Variants in MYCBPAP observed in about 807,000 individuals in gnomAD.
MYCBPAP encodes MYCBP-associated protein.
A neutral mutation model predicts 106.1 loss-of-function variants in MYCBPAP; 60 were observed. That is an observed-to-expected ratio of 0.57 (90% confidence interval 0.46 to 0.70). MYCBPAP has a LOEUF of 0.70. Among genes scored for constraint, MYCBPAP ranks in the 30% least tolerant of loss-of-function variants. The pLI is 0.00. For synonymous variants in MYCBPAP, 407 were observed against 440.6 expected (o/e 0.92, Z 0.95); for missense variants, 1,064 against 1,169.3 (o/e 0.91, Z 1.31).
Position 50,516,822 on chromosome 17 carries a change from AAC to A in MYCBPAP, c.204+129_204+130del, listed in dbSNP as rs1176289787. On this transcript the variant is annotated intron_variant, in intron 2 of 18. Transcript: ENST00000323776. ...TCTAACTCCATGGAAAAACCCACTG[AAC>A]ACAGATTCTTTTCACTTTACCACCT... 6 of 1,033,806 alleles carry A rather than the reference AAC, an allele frequency of 5.8e-6. No homozygotes were observed. The African/African-American group carries it at 9.6e-5, about 17-fold the overall frequency. The allele number at this position is 1,033,806 out of a possible 1,614,324, so 64.0% of individuals were successfully genotyped here. A position where few individuals can be genotyped will look rare whatever the true frequency, so the allele number is the denominator to read the frequency against.
chr17:50,511,903 A>T (rs1366585419), intron 1 of MYCBPAP, among the ~76,000 whole-genome samples: 1 of 151,934 alleles, frequency 6.6e-6, no homozygotes, highest in African/African-American at 2.4e-5. Flanking sequence ...GGCTCTCTTC[A>T]TCTGATGAAT....
At chr17:50,510,243 G>T (rs2033777884) in intron 1 of MYCBPAP, 1 of 151,820 alleles carries the variant, frequency 6.6e-6, no homozygotes. Context: ...GTCCAACGTT[G>T]AGCCGGGCAT....
Position 50,521,421 on chromosome 17 carries a change from A to G in MYCBPAP, c.1138A>G (p.Thr380Ala). 1 of 1,594,394 alleles carries G rather than the reference A, an allele frequency of 6.3e-7. No homozygotes were observed. The highest frequency in any genetic ancestry group is 1.1e-5 in the South Asian group (1 of 88,042). The change falls in exon 9 of 19, where the codon ACA becomes GCA. Residue 380 changes from threonine to alanine, a missense_variant. Thr to Ala is a moderately conservative substitution (Grantham distance 58). Coordinates refer to ENST00000323776, the MANE Select transcript of MYCBPAP (RefSeq NM_032133.6). ...AAGTCAGGGAAGCTCCTCTGAAGAC[A>G]CAGCATACTTGTGAGTGCAGCCTGA... ...ERSQGSSSED[T>A]AYLGTLASSS...
At chr17:50,520,055 A>G in intron 7 of MYCBPAP, 1 of 381,072 alleles carries the variant, frequency 2.6e-6, no homozygotes, top group South Asian at 5.3e-5. Context: ...GCCGCTGGTG[A>G]GCGCCTGGAT....
intron 15 of MYCBPAP, 66 bp downstream of exon 15, chr17:50,527,474 C>T: frequency 1.9e-6 from 3 of 1,594,174 alleles, no homozygotes; most frequent in Non-Finnish European, 2.6e-6. Flanking sequence ...GGGTCCTGGG[C>T]AGGCAGTCCT....
rs1023888082 is a variant in MYCBPAP at position 50,508,512 on chromosome 17, T to C, written c.-163T>C. ...GTGCGCGGCCCGATGAAGAAGGAGG[T>C]TTCCAAGCCGTCTCCGCCCAAGTTG... On this transcript the variant is annotated 5_prime_UTR_variant, in exon 1 of 19. Coordinates refer to ENST00000323776, the MANE Select transcript of MYCBPAP (RefSeq NM_032133.6). 10 of 1,511,340 alleles carry C rather than the reference T, an allele frequency of 6.6e-6. No individual in the cohort carries two copies. The highest frequency in any genetic ancestry group is 1.2e-5 in the South Asian group (1 of 80,082). 93.6% of individuals were successfully genotyped at this position (1,511,340 alleles called of 1,614,324 possible). A position where few individuals can be genotyped will look rare whatever the true frequency, so the allele number is the denominator to read the frequency against.
chr17:50,523,836 T>C, intron 12 of MYCBPAP, 52 bp downstream of exon 12: 1 of 1,542,862 alleles, frequency 6.5e-7, no homozygotes, highest in Non-Finnish European at 8.8e-7. Context: ...GGTATCCTGG[T>C]GTTCTTCCTG....
At chr17:50,518,847 T>G in intron 5 of MYCBPAP, 123 bp downstream of exon 5, 1 of 1,454,764 alleles carries the variant, frequency 6.9e-7, no homozygotes, top group Non-Finnish European at 9.6e-7. Context: ...CTCCCAAGAG[T>G]GTCTCACTCT....
Position 50,525,789 on chromosome 17 carries a change from C to T in MYCBPAP, c.1783-92C>T, listed in dbSNP as rs79931368. ...TGCAGGCTTGAGCCACTGTGCCTGG[C>T]CCTTGTACTATTTATGTCCTTATTT... On this transcript the variant is annotated intron_variant, in intron 13 of 18. Transcript: ENST00000323776. 1.0e-3 allele frequency: 1,459 copies of T among 1,439,772 alleles called. 16 individuals carry two copies. The African/African-American group carries it at 0.017, about 17-fold the overall frequency. 89.2% of individuals were successfully genotyped at this position (1,439,772 alleles called of 1,614,324 possible).
chr17:50,511,966 G>A (rs73990539), intron 1 of MYCBPAP, among the ~76,000 whole-genome samples: 32 of 151,852 alleles, frequency 2.1e-4, no homozygotes, highest in African/African-American at 7.7e-4. Context: ...AAGATCAGAT[G>A]CCTGAGCCAT....
chr17:50,516,819 C>A, intron 2 of MYCBPAP, 122 bp downstream of exon 2: 2 of 1,056,514 alleles, frequency 1.9e-6, no homozygotes, highest in South Asian at 1.6e-5. Flanking sequence ...GAAAAACCCA[C>A]TGAACACAGA....
At chr17:50,518,520 T>TA in intron 4 of MYCBPAP, 21 bp from the exon 5 acceptor site, 1 of 1,544,982 alleles carries the variant, frequency 6.5e-7, no homozygotes, top group Non-Finnish European at 8.7e-7. Flanking sequence ...GCCCTCCACA[T>TA]ACCTATGTTG....
chr17:50,525,513 T>C (rs901559844), intron 13 of MYCBPAP, among the ~76,000 whole-genome samples: 1 of 152,094 alleles, frequency 6.6e-6, no homozygotes, highest in Non-Finnish European at 1.5e-5. Flanking sequence ...AAATAGCGTG[T>C]CATACTGTCA....
chr17:50,516,444 C>A lies in MYCBPAP; in HGVS notation c.77-126C>A, dbSNP rs563217411. The A allele has an allele frequency of 5.4e-5, 63 of 1,177,526 alleles. No individual in the cohort carries two copies. In the South Asian group the frequency reaches 9.5e-4, roughly 18 times the overall value. The allele number at this position is 1,177,526 out of a possible 1,614,324, so 72.9% of individuals were successfully genotyped here. A position where few individuals can be genotyped will look rare whatever the true frequency, so the allele number is the denominator to read the frequency against. On this transcript the variant is annotated intron_variant, in intron 1 of 18. Coordinates refer to ENST00000323776, the MANE Select transcript of MYCBPAP (RefSeq NM_032133.6). ...ACCTTGGCAGCCTCTGCTATCTATC[C>A]AGCTGGTCAGCTCTGCCCCCCACCA... is the stretch of plus-strand genomic sequence containing the variant.
At chr17:50,509,207 G>T in intron 1 of MYCBPAP, 2 of 697,330 alleles carry the variant, frequency 2.9e-6, no homozygotes, top group Non-Finnish European at 5.2e-6. Flanking sequence ...GGGTCGGGGA[G>T]CGGGGCAGGC....
chr17:50,516,824 C>A, intron 2 of MYCBPAP, 127 bp downstream of exon 2: 1 of 1,017,940 alleles, frequency 9.8e-7, no homozygotes, highest in Non-Finnish European at 1.4e-6. Context: ...ACCCACTGAA[C>A]ACAGATTCTT....
At chr17:50,522,709 A>ATATATATATATATATATATATATAT (rs1555620722) in intron 10 of MYCBPAP, 6 of 50,044 alleles carry the variant, frequency 1.2e-4, no homozygotes, top group South Asian at 7.9e-4. Flanking sequence ...AAAAAAAAAA[A>ATATATATATATATATATATATATAT]ATATATATAT....
At position 50,508,751 on chromosome 17, in the gene MYCBPAP, G is replaced by C. The variant is rs966234526; in HGVS notation, c.76+1G>C. ...TTAGAGGCCTCAGAGAATGTCAAAG[G>C]TTGGCGCTGGCTGCCTTGGGCGCTC... is the stretch of plus-strand genomic sequence containing the variant. On this transcript the variant is annotated splice_donor_variant, in intron 1 of 18. Coordinates refer to ENST00000323776, the MANE Select transcript of MYCBPAP (RefSeq NM_032133.6). LOFTEE classifies it high-confidence loss of function. 5 of 1,608,322 alleles carry C rather than the reference G, an allele frequency of 3.1e-6. No homozygotes were observed. The highest frequency in any genetic ancestry group is 4.2e-6 in the Non-Finnish European group (5 of 1,176,872).
intron 1 of MYCBPAP, among the ~76,000 whole-genome samples, chr17:50,511,816 C>T (rs1225462061): frequency 6.6e-6 from 1 of 152,098 alleles, no homozygotes; most frequent in Non-Finnish European, 1.5e-5. Flanking sequence ...TGGAGTCTTC[C>T]TGCAGGTCCT....
Sources: gnomAD v4.1 joint callset for allele counts (sites outside exome capture counted in the v4.1 genomes callset) on GRCh38, gnomAD v4.1.1 for gene constraint, MANE v1.5 for transcripts, NCBI Gene and HGNC (gene_info 2026-07-23, HGNC 2026-07-21) for gene names.